ARHGEF12: variants seen among roughly 807,000 people sequenced by gnomAD.
ARHGEF12 encodes the protein KMT2A/ARHGEF12 fusion protein.
In ARHGEF12, 66 loss-of-function variants were observed where a neutral mutation model predicts 211.2. The observed-to-expected ratio is 0.31, with a 90% CI of 0.26 to 0.38. The LOEUF (loss-of-function observed/expected upper bound fraction) is 0.38. ARHGEF12 is among the 10% of genes least tolerant of loss of function. The pLI, the probability that ARHGEF12 is intolerant of heterozygous loss-of-function variation, is 1.00. For missense variants in ARHGEF12, 1,429 were observed against 1,869.5 expected, an observed-to-expected ratio of 0.76 and a Z score of 4.34; for synonymous variants, 592 against 638.4, an observed-to-expected ratio of 0.93 and a Z score of 1.09.
rs554276556 is a variant in ARHGEF12, at chr11:120,368,267, A to C, written c.32+30992A>C. ...ATCATGACTACTGACTAAAATCCTTAGTAGCTGGGACTACAGGCACATGCT... is the reference window on the plus strand; with the variant it reads ...ATCATGACTACTGACTAAAATCCTTCGTAGCTGGGACTACAGGCACATGCT... On this transcript the variant is annotated intron_variant, in intron 1 of 40. Transcript: ENST00000397843. 2.0e-5 allele frequency among the ~76,000 whole-genome samples: 3 copies of C among 152,254 alleles called. No individual in the cohort carries two copies. In the East Asian group the frequency reaches 5.8e-4, roughly 30 times the overall value.
At chr11:120,463,771 A>G (rs1278536799) in intron 27 of ARHGEF12, 1 of 152,148 alleles carries the variant, frequency 6.6e-6, no homozygotes. Flanking sequence ...TTGAAAAAAT[A>G]CTCTGAATTT....
Position 120,356,801 on chromosome 11 carries a change from A to G in ARHGEF12, c.32+19526A>G, listed in dbSNP as rs140243399. ...TTATATACCTATCTAGGAGGTAGTA[A>G]CCCAACCATTAATCTCTCCATGCAA... On this transcript the variant is annotated intron_variant, in intron 1 of 40. Coordinates refer to ENST00000397843, the MANE Select transcript of ARHGEF12 (RefSeq NM_015313.3). 4.3e-3 allele frequency among the ~76,000 whole-genome samples: 656 copies of G among 152,256 alleles called. 1 individual carries two copies. Among genetic ancestry groups the G allele is most frequent in the Non-Finnish European group, 7.4e-3 (504 of 68,012 alleles).
At position 120,379,543 on chromosome 11, in the gene ARHGEF12, A is replaced by T. The variant is rs573009333; in HGVS notation, c.33-26575A>T. Among the ~76,000 whole-genome samples, 61 of 151,498 alleles carry T rather than the reference A, an allele frequency of 4.0e-4. 1 individual carries two copies. The South Asian group carries it at 0.012, about 29-fold the overall frequency. ...ATTTTTTTTTTTTCCATACTCTATC[A>T]GTTTGGGGAAGTTACCTTCTATTCC... On this transcript the variant is annotated intron_variant, in intron 1 of 40. Transcript: ENST00000397843.
chr11:120,438,920 G>T (rs1293441166), intron 12 of ARHGEF12: 1 of 152,194 alleles, frequency 6.6e-6, no homozygotes. Flanking sequence ...CTGCAGTACA[G>T]AGGTTAACTG....
At position 120,469,323 on chromosome 11, in the gene ARHGEF12, G is replaced by T; in HGVS notation, c.2890G>T (p.Ala964Ser). Residue 964 changes from alanine (A) to serine (S), a missense_variant, in exon 30 of 41, where the codon GCA becomes TCA. Ala to Ser is a moderately conservative substitution (Grantham distance 99). Transcript: ENST00000397843. ...PTEREKVKKA[A>S]DHCRQILNYV... ...AGAAAGGGAGAAGGTGAAGAAAGCT[G>T]CAGATCACTGTCGTCAGATCTTAAA... 1 of 1,613,540 alleles carries T rather than the reference G, an allele frequency of 6.2e-7. No individual in the cohort carries two copies. Among genetic ancestry groups the T allele is most frequent in the Non-Finnish European group, 8.5e-7 (1 of 1,179,694 alleles).
chr11:120,437,674 A>G (rs1168170826), intron 12 of ARHGEF12, among the ~76,000 whole-genome samples: 1 of 152,118 alleles, frequency 6.6e-6, no homozygotes, highest in African/African-American at 2.4e-5. Flanking sequence ...TGCGACCATC[A>G]CTGCCAACCA....
At position 120,480,480 on chromosome 11, in the gene ARHGEF12, A is replaced by T. The variant is rs1163207218; in HGVS notation, c.4237+50A>T. On this transcript the variant is annotated intron_variant, in intron 38 of 40. Transcript: ENST00000397843. ...TTGATTTTGATTTTGATCATTGTTA[A>T]CTGTCCTGTATTTTGAAATGGATGT... 4 of 1,530,276 alleles carry T rather than the reference A, an allele frequency of 2.6e-6. No individual in the cohort carries two copies. The South Asian group carries it at 5.1e-5, about 19-fold the overall frequency. 94.8% of individuals were successfully genotyped at this position (1,530,276 alleles called of 1,614,324 possible). A position where few individuals can be genotyped will look rare whatever the true frequency, so the allele number is the denominator to read the frequency against.
At chr11:120,412,786 C>T (rs1944924672) in intron 4 of ARHGEF12, among the ~76,000 whole-genome samples, 1 of 152,114 alleles carries the variant, frequency 6.6e-6, no homozygotes, top group South Asian at 2.1e-4. Context: ...CTTATAATGA[C>T]ACTGTCATTT....
intron 1 of ARHGEF12, among the ~76,000 whole-genome samples, chr11:120,348,679 T>C (rs908655720): frequency 1.2e-4 from 18 of 152,120 alleles, no homozygotes; most frequent in African/African-American, 4.3e-4. Flanking sequence ...CCATCTCTAC[T>C]AAAAATACAA....
At chr11:120,432,403 A>G (rs776917410) in intron 11 of ARHGEF12, among the ~76,000 whole-genome samples, 2 of 152,242 alleles carry the variant, frequency 1.3e-5, no homozygotes, top group Non-Finnish European at 2.9e-5. Flanking sequence ...CTGCCAGATG[A>G]ACATGACTAT....
chr11:120,487,410 A>G lies in ARHGEF12; in HGVS notation c.*2333A>G, dbSNP rs1947425621. 1 of 217,988 alleles carries G rather than the reference A, an allele frequency of 4.6e-6. No individual in the cohort carries two copies. Among genetic ancestry groups the G allele is most frequent in the Middle Eastern group, 1.4e-3 (1 of 712 alleles). 13.5% of individuals were successfully genotyped at this position (217,988 alleles called of 1,614,324 possible). A position where few individuals can be genotyped will look rare whatever the true frequency, so the allele number is the denominator to read the frequency against. ...AGTCTAATTCTGAAAATATCTCACA[A>G]TTTTTGAATGTTCTTTTTATCTTAC... On this transcript the variant is annotated 3_prime_UTR_variant, in exon 41 of 41. Coordinates refer to ENST00000397843, the MANE Select transcript of ARHGEF12 (RefSeq NM_015313.3).
intron 3 of ARHGEF12, 156 bp downstream of exon 3, chr11:120,407,979 T>C (rs7937612): frequency 0.41 from 228,900 of 562,462 alleles, 47,965 homozygotes; most frequent in African/African-American, 0.53. Context: ...TTGCATTTAG[T>C]AGGAATGCAA....
intron 1 of ARHGEF12, among the ~76,000 whole-genome samples, chr11:120,379,874 G>A (rs970346268): frequency 1.3e-5 from 2 of 152,002 alleles, no homozygotes; most frequent in South Asian, 2.1e-4. Context: ...ATATTTTGAT[G>A]ATTGTTCTTG....
chr11:120,362,160 G>C (rs908722609), intron 1 of ARHGEF12, among the ~76,000 whole-genome samples: 1 of 152,174 alleles, frequency 6.6e-6, no homozygotes, highest in Non-Finnish European at 1.5e-5. Flanking sequence ...TGAGCTATTA[G>C]AGGAAACATG....
chr11:120,445,387 G>A (rs780088806), intron 15 of ARHGEF12, 35 bp from the exon 16 acceptor site: 11 of 1,610,624 alleles, frequency 6.8e-6, no homozygotes, highest in Non-Finnish European at 8.5e-6. Flanking sequence ...AATATCTTTA[G>A]CGTTGTTACA....
At chr11:120,351,126 G>T (rs1591487628) in intron 1 of ARHGEF12, among the ~76,000 whole-genome samples, 2 of 151,708 alleles carry the variant, frequency 1.3e-5, no homozygotes, top group South Asian at 4.1e-4. Flanking sequence ...GAGGCGGGCG[G>T]ATCACAAGGT....
chr11:120,483,286 A>C (rs943835908), intron 39 of ARHGEF12, among the ~76,000 whole-genome samples: 4 of 122,666 alleles, frequency 3.3e-5, no homozygotes, highest in African/African-American at 1.2e-4. Flanking sequence ...TTTTTGAGAC[A>C]GTCTTGCTCT....
chr11:120,394,195 G>C (rs1036903807), intron 1 of ARHGEF12, among the ~76,000 whole-genome samples: 1 of 151,800 alleles, frequency 6.6e-6, no homozygotes, highest in South Asian at 2.1e-4. Flanking sequence ...TTAGAAAAGA[G>C]AGAAGGTCTA....
chr11:120,395,090 G>A (rs912054106), intron 1 of ARHGEF12, among the ~76,000 whole-genome samples: 1 of 148,432 alleles, frequency 6.7e-6, no homozygotes, highest in Non-Finnish European at 1.5e-5. Context: ...AGATAAGGGA[G>A]CATTATGAAT....
Sources: gnomAD v4.1 joint callset for allele counts (sites outside exome capture counted in the v4.1 genomes callset) on GRCh38, gnomAD v4.1.1 for gene constraint, MANE v1.5 for transcripts, NCBI Gene and HGNC (gene_info 2026-07-23, HGNC 2026-07-21) for gene names.